KDM1B: variants seen among roughly 807,000 people sequenced by gnomAD.
KDM1B encodes lysine-specific histone demethylase 2.
A neutral mutation model predicts 107.4 loss-of-function variants in KDM1B; 63 were observed. The observed-to-expected ratio is 0.59, with a 90% CI of 0.48 to 0.72. The LOEUF (loss-of-function observed/expected upper bound fraction) is 0.72. Among genes scored for constraint, KDM1B ranks in the 30% least tolerant of loss-of-function variants. The pLI, the probability that KDM1B is intolerant of heterozygous loss-of-function variation, is 0.00. For missense variants in KDM1B, 749 were observed against 1,020.8 expected (o/e 0.73, Z 3.63); for synonymous variants, 363 against 363.9 (o/e 1.00, Z 0.03).
chr6:18,215,512 T>G (rs1171172217), intron 20 of KDM1B, among the ~76,000 whole-genome samples: 1 of 152,110 alleles, frequency 6.6e-6, no homozygotes, highest in Non-Finnish European at 1.5e-5. Context: ...CCTCTTCTTA[T>G]GAGGACACAA....
intron 9 of KDM1B, among the ~76,000 whole-genome samples, chr6:18,190,527 G>A (rs1424429388): frequency 2.6e-5 from 4 of 151,694 alleles, no homozygotes; most frequent in Admixed American, 6.6e-5. Context: ...GTGTGAACCC[G>A]GGAGGCGGAG....
intron 7 of KDM1B, among the ~76,000 whole-genome samples, chr6:18,184,273 C>CTTCTTTTTTTTTTT (rs1554144142): frequency 1.7e-5 from 2 of 116,672 alleles, no homozygotes; most frequent in Non-Finnish European, 3.5e-5. Context: ...GTTCTAGCTT[C>CTTCTTTTTTTTTTT]TTTTTTTTTT....
Position 18,159,934 on chromosome 6 carries a change from T to C in KDM1B, c.39T>C (p.Ser13=). The C allele has an allele frequency of 6.2e-7, 1 of 1,610,668 alleles. No homozygotes were observed. The highest frequency in any genetic ancestry group is 8.5e-7 in the Non-Finnish European group (1 of 1,178,884). ...GGGGGAGGACAAAGAAAAAAGCATC[T>C]TTTGATCATTCTCCGGATAGCCTTC... The part of the protein sequence containing the change: ...TPRGRTKKKA[S]FDHSPDSLPL... The change falls in exon 3 of 22, where the codon TCT becomes TCC. Residue 13 remains serine, a synonymous_variant. Coordinates refer to ENST00000650836, the MANE Select transcript of KDM1B (RefSeq NM_001364614.2). The surrounding 1 kb of genome is among the most constrained non-coding windows in gnomAD (Gnocchi z 4.5).
chr6:18,161,260 T>G (rs1784953955), intron 3 of KDM1B, 67 bp from the exon 4 acceptor site: 1 of 1,486,122 alleles, frequency 6.7e-7, no homozygotes, highest in Non-Finnish European at 9.3e-7. Context: ...ATTTCAGTAG[T>G]GAACCTTCAT....
Position 18,197,036 on chromosome 6 carries a change from T to A in KDM1B, c.970-21T>A. The A allele has an allele frequency of 6.3e-7, 1 of 1,577,038 alleles. No individual in the cohort carries two copies. The highest frequency in any genetic ancestry group is 8.6e-7 in the Non-Finnish European group (1 of 1,156,754). On this transcript the variant is annotated intron_variant, in intron 10 of 21. Transcript: ENST00000650836. This position sits in a 1 kb window ranked among gnomAD's most constrained non-coding sequence, Gnocchi z 4.5. The stretch of plus-strand genomic sequence containing the variant: ...TTGGGACTTTTTTAAAAAAGCAGTT[T>A]GGTTTTATTTCCAAACACAGGAAGC...
intron 21 of KDM1B, among the ~76,000 whole-genome samples, chr6:18,220,918 T>C (rs920457226): frequency 6.6e-6 from 1 of 152,036 alleles, no homozygotes; most frequent in Non-Finnish European, 1.5e-5. Flanking sequence ...CAGCTAATTT[T>C]TTATTTTTTT....
intron 9 of KDM1B, among the ~76,000 whole-genome samples, chr6:18,188,416 T>C (rs1160963233): frequency 1.3e-5 from 2 of 152,070 alleles, no homozygotes; most frequent in African/African-American, 4.8e-5. Flanking sequence ...TGAGTATTTA[T>C]TTGGAAGTTG....
intron 7 of KDM1B, among the ~76,000 whole-genome samples, chr6:18,181,077 C>T (rs1268537171): frequency 1.3e-5 from 2 of 152,080 alleles, no homozygotes; most frequent in Admixed American, 6.5e-5. Flanking sequence ...TTTGAAAACT[C>T]GAAGGTTTTC....
At chr6:18,169,073 T>C (rs1025479065) in intron 6 of KDM1B, among the ~76,000 whole-genome samples, 4 of 152,054 alleles carry the variant, frequency 2.6e-5, no homozygotes, top group Admixed American at 6.6e-5. Context: ...AGTTTCATCA[T>C]GTTGGCCAGG....
At chr6:18,202,462 C>T (rs1023424257) in intron 14 of KDM1B, among the ~76,000 whole-genome samples, 1 of 152,076 alleles carries the variant, frequency 6.6e-6, no homozygotes, top group Non-Finnish European at 1.5e-5. Context: ...GCAATATTAG[C>T]CACAACTATT....
chr6:18,178,455 C>A (rs375898268), intron 7 of KDM1B, among the ~76,000 whole-genome samples: 1 of 151,930 alleles, frequency 6.6e-6, no homozygotes. Context: ...TGCAATGGCA[C>A]GATCTCGGCT....
chr6:18,185,743 C>G (rs765336621), intron 7 of KDM1B, 29 bp from the exon 8 acceptor site: 1 of 1,605,268 alleles, frequency 6.2e-7, no homozygotes, highest in Non-Finnish European at 8.5e-7. Context: ...ATAAGCAACC[C>G]TAATTTAACA....
chr6:18,178,467 A>G (rs12210366), intron 7 of KDM1B, among the ~76,000 whole-genome samples: 2,502 of 151,876 alleles, frequency 0.016, 38 homozygotes, highest in Non-Finnish European at 0.024. Context: ...ATCTCGGCTC[A>G]CTGCAACCTC....
At chr6:18,164,015 C>A (rs1785131794) in intron 5 of KDM1B, among the ~76,000 whole-genome samples, 1 of 152,180 alleles carries the variant, frequency 6.6e-6, no homozygotes, top group Non-Finnish European at 1.5e-5. Flanking sequence ...CCTACCTGAT[C>A]TTTCAGTTAC....
intron 6 of KDM1B, among the ~76,000 whole-genome samples, chr6:18,170,109 C>T (rs1440512373): frequency 6.6e-6 from 1 of 151,908 alleles, no homozygotes; most frequent in East Asian, 1.9e-4. Flanking sequence ...TGGGGTTTCA[C>T]CATGTTGGCC....
rs1789030568 is a variant in KDM1B at position 18,213,836 on chromosome 6, A to T, written c.2109+55A>T. 6.3e-7 allele frequency: 1 copy of T among 1,593,826 alleles called. No individual in the cohort carries two copies. Among genetic ancestry groups the T allele is most frequent in the Non-Finnish European group, 8.6e-7 (1 of 1,162,236 alleles). On this transcript the variant is annotated intron_variant, in intron 19 of 21. Coordinates refer to ENST00000650836, the MANE Select transcript of KDM1B (RefSeq NM_001364614.2). This position sits in a 1 kb window ranked among gnomAD's most constrained non-coding sequence, Gnocchi z 5.9. The stretch of plus-strand genomic sequence containing the variant: ...TTTCCGTCTTAAAGTTTAGAATTTG[A>T]TGTGATAATTACTCACCTATCAAGC...
Position 18,155,456 on chromosome 6 carries a change from C to T in KDM1B, c.-173C>T. The T allele has an allele frequency of 6.3e-6, 1 of 159,756 alleles. No homozygotes were observed. Among genetic ancestry groups the T allele is most frequent in the East Asian group, 1.9e-4 (1 of 5,396 alleles). The allele number at this position is 159,756 out of a possible 1,614,324, so 9.9% of individuals were successfully genotyped here. On this transcript the variant is annotated 5_prime_UTR_variant, in exon 1 of 22. Coordinates refer to ENST00000650836, the MANE Select transcript of KDM1B (RefSeq NM_001364614.2). This position sits in a 1 kb window ranked among gnomAD's most constrained non-coding sequence, Gnocchi z 6.2. ...GCGGAAGCGGCGGCGGCGGCGGCGG[C>T]CGAGAAGAGGCTGGGGCTCGCGGCG...
Position 18,212,700 on chromosome 6 carries a change from T to C in KDM1B, c.1983+96T>C. 1 of 794,882 alleles carries C rather than the reference T, an allele frequency of 1.3e-6. No homozygotes were observed. 49.2% of individuals were successfully genotyped at this position (794,882 alleles called of 1,614,324 possible). On this transcript the variant is annotated intron_variant, in intron 18 of 21. Transcript: ENST00000650836. This position sits in a 1 kb window ranked among gnomAD's most constrained non-coding sequence, Gnocchi z 5.2. ...GGAGAAGTAGTGGGTACTATCTAAA[T>C]ACAAATAAAACTCAAGGATTTCCTT...
chr6:18,207,394 C>T lies in KDM1B; in HGVS notation c.1660-4C>T. 6.2e-7 allele frequency: 1 copy of T among 1,613,962 alleles called. No individual in the cohort carries two copies. The highest frequency in any genetic ancestry group is 8.5e-7 in the Non-Finnish European group (1 of 1,179,912). ...CTGTGTCCCCAACCTCTCTTGTTTC[C>T]CAGGTATCTGCTCGCTCGTGGGACC... On this transcript the variant is annotated splice_polypyrimidine_tract_variant and splice_region_variant and intron_variant, in intron 15 of 21. Coordinates refer to ENST00000650836, the MANE Select transcript of KDM1B (RefSeq NM_001364614.2).
Sources: gnomAD v4.1 joint callset for allele counts (sites outside exome capture counted in the v4.1 genomes callset) on GRCh38, gnomAD v4.1.1 for gene constraint, Gnocchi (gnomAD v3.1) non-coding constraint, MANE v1.5 for transcripts, NCBI Gene and HGNC (gene_info 2026-07-23, HGNC 2026-07-21) for gene names.